ELMO1: variants seen among roughly 807,000 people sequenced by gnomAD.
The protein encoded by ELMO1 is engulfment and cell motility protein 1.
A neutral mutation model predicts 98.9 loss-of-function variants in ELMO1; 26 were observed. The observed-to-expected ratio is 0.26, with a 90% confidence interval of 0.19 to 0.36. The LOEUF (loss-of-function observed/expected upper bound fraction) is 0.36, where lower values mean the gene tolerates loss of function less well. Among genes scored for constraint, ELMO1 ranks in the 10% least tolerant of loss-of-function variants. The pLI is 1.00. For missense variants in ELMO1, 627 were observed against 935.2 expected (o/e 0.67, Z 4.30); for synonymous variants, 346 against 346.0 (o/e 1.00, Z 0.00).
intron 11 of ELMO1, among the ~76,000 whole-genome samples, chr7:37,213,793 T>C (rs1256541179): frequency 6.6e-6 from 1 of 152,168 alleles, no homozygotes; most frequent in Non-Finnish European, 1.5e-5. Context: ...ATTTCTACAA[T>C]GGAAGCATCT....
intron 8 of ELMO1, among the ~76,000 whole-genome samples, chr7:37,229,427 A>G (rs1230882854): frequency 6.6e-6 from 1 of 152,234 alleles, no homozygotes; most frequent in Admixed American, 6.5e-5. Flanking sequence ...TTGCAGCCAA[A>G]ATTTGTAAAC....
At chr7:36,954,743 A>G (rs975780200) in intron 16 of ELMO1, among the ~76,000 whole-genome samples, 2 of 152,140 alleles carry the variant, frequency 1.3e-5, no homozygotes, top group Non-Finnish European at 1.5e-5. Flanking sequence ...AACTTTTAAG[A>G]TCTTTTAGGA....
At chr7:37,437,315 A>G (rs1261544798) in intron 1 of ELMO1, among the ~76,000 whole-genome samples, 1 of 152,228 alleles carries the variant, frequency 6.6e-6, no homozygotes, top group African/African-American at 2.4e-5. Context: ...AATTAATAAT[A>G]CAATAAAACA....
intron 10 of ELMO1, among the ~76,000 whole-genome samples, chr7:37,220,666 G>C (rs916827864): frequency 1.3e-5 from 2 of 152,142 alleles, no homozygotes; most frequent in African/African-American, 2.4e-5. Context: ...ATGGTCATGA[G>C]AGTCCAATTT....
chr7:37,033,538 C>T, intron 15 of ELMO1: 1 of 378,932 alleles, frequency 2.6e-6, no homozygotes, highest in Non-Finnish European at 5.2e-6. Flanking sequence ...TATAACTTTC[C>T]AGCAAGCCAG....
At chr7:37,157,220 G>A (rs1788840841) in intron 13 of ELMO1, among the ~76,000 whole-genome samples, 1 of 152,168 alleles carries the variant, frequency 6.6e-6, no homozygotes, top group Admixed American at 6.5e-5. Flanking sequence ...TACTGAATGG[G>A]GAAAAACTGG....
At chr7:37,376,423 AGATTTATAACTTC>A (rs1179457672) in intron 1 of ELMO1, among the ~76,000 whole-genome samples, 1 of 152,224 alleles carries the variant, frequency 6.6e-6, no homozygotes, top group Non-Finnish European at 1.5e-5. Flanking sequence ...AGAAGTTAAA[AGATTTATAACTTC>A]GCTAATTGTT....
intron 7 of ELMO1, among the ~76,000 whole-genome samples, chr7:37,239,024 G>C (rs758667326): frequency 6.6e-6 from 1 of 152,054 alleles, no homozygotes; most frequent in Non-Finnish European, 1.5e-5. Context: ...AGTGATACTG[G>C]TATCATAAAA....
chr7:37,410,680 G>A (rs774591051), intron 1 of ELMO1, among the ~76,000 whole-genome samples: 3 of 152,154 alleles, frequency 2.0e-5, no homozygotes, highest in Non-Finnish European at 4.4e-5. Context: ...TCAAACAAGG[G>A]AAAACTAATA....
chr7:37,123,385 A>G (rs1786236556), intron 14 of ELMO1, among the ~76,000 whole-genome samples: 1 of 152,148 alleles, frequency 6.6e-6, no homozygotes, highest in Non-Finnish European at 1.5e-5. Flanking sequence ...CTGATAGACC[A>G]CTAGCAAGAC....
intron 13 of ELMO1, among the ~76,000 whole-genome samples, chr7:37,184,706 G>T (rs1224894389): frequency 6.6e-6 from 1 of 152,010 alleles, no homozygotes; most frequent in African/African-American, 2.4e-5. Flanking sequence ...CTGGGAGTTT[G>T]AGATTGGCCT....
intron 13 of ELMO1, among the ~76,000 whole-genome samples, chr7:37,155,985 C>T (rs1788734605): frequency 1.3e-5 from 2 of 152,234 alleles, no homozygotes; most frequent in Admixed American, 6.5e-5. Flanking sequence ...TCTCACACCA[C>T]AGTGCCATCA....
At position 36,869,077 on chromosome 7, in the gene ELMO1, C is replaced by T. The variant is rs1376874896; in HGVS notation, c.1905+1316G>A. 5.9e-5 allele frequency among the ~76,000 whole-genome samples: 9 copies of T among 152,332 alleles called. No individual in the cohort carries two copies. In the East Asian group the frequency reaches 9.7e-4, roughly 16 times the overall value. ...TAGCTAAGGATGCTTCTCTAATCTG[C>T]TGAGCTATAGAATCTCTGTCTCCCC... On this transcript the variant is annotated intron_variant, in intron 20 of 21. Coordinates refer to ENST00000310758, the MANE Select transcript of ELMO1 (RefSeq NM_014800.11).
At chr7:37,314,512 T>C (rs1392580303) in intron 4 of ELMO1, among the ~76,000 whole-genome samples, 1 of 4,064 alleles carries the variant, frequency 2.5e-4, no homozygotes, top group Non-Finnish European at 4.9e-4. Flanking sequence ...GGTTAGAGGC[T>C]ACTTTGAAAA....
At chr7:37,123,764 G>T (rs184035879) in intron 14 of ELMO1, among the ~76,000 whole-genome samples, 1 of 152,092 alleles carries the variant, frequency 6.6e-6, no homozygotes, top group African/African-American at 2.4e-5. Context: ...AGAAAAAGAG[G>T]GAATCCTCCC....
chr7:36,880,617 T>G (rs1296247450), intron 18 of ELMO1, among the ~76,000 whole-genome samples: 2 of 152,154 alleles, frequency 1.3e-5, no homozygotes, highest in Non-Finnish European at 2.9e-5. Flanking sequence ...AAGGTAGACA[T>G]GAAAGACAAG....
At chr7:37,263,798 G>A (rs996995073) in intron 5 of ELMO1, among the ~76,000 whole-genome samples, 1 of 152,180 alleles carries the variant, frequency 6.6e-6, no homozygotes, top group Non-Finnish European at 1.5e-5. Flanking sequence ...GGGGTGTGGA[G>A]GGAAGTGAGG....
intron 16 of ELMO1, among the ~76,000 whole-genome samples, chr7:36,921,395 A>C (rs1357817173): frequency 6.6e-6 from 1 of 152,218 alleles, no homozygotes; most frequent in Non-Finnish European, 1.5e-5. Flanking sequence ...CTTCAACTGT[A>C]AGATGAGGAC....
intron 16 of ELMO1, among the ~76,000 whole-genome samples, chr7:36,931,269 G>A (rs1015509864): frequency 6.6e-5 from 10 of 152,350 alleles, no homozygotes; most frequent in African/African-American, 1.2e-4. Flanking sequence ...GTCCTGTGGT[G>A]TAAGAACTTG....
Sources: allele counts gnomAD v4.1 joint callset (sites outside exome capture counted in the v4.1 genomes callset), GRCh38; gene constraint gnomAD v4.1.1; transcripts MANE v1.5; gene names NCBI Gene and HGNC (gene_info 2026-07-23, HGNC 2026-07-21).